The following ATG10 variants were observed in gnomAD, a reference collection of about 807,000 sequenced individuals.
ATG10 encodes ubiquitin-like-conjugating enzyme ATG10.
A neutral mutation model predicts 32.1 loss-of-function variants in ATG10; 30 were observed. The observed-to-expected ratio is 0.94, with a 90% CI of 0.70 to 1.27. The LOEUF (loss-of-function observed/expected upper bound fraction) is 1.27. Ranked by LOEUF, ATG10 falls within the 50% of genes most tolerant of loss-of-function variation. The pLI, the probability that ATG10 is intolerant of heterozygous loss-of-function variation, is 0.00. For synonymous variants in ATG10, 87 were observed against 91.5 expected (o/e 0.95, Z 0.28); for missense variants, 233 against 262.3 (o/e 0.89, Z 0.77).
intron 2 of ATG10, among the ~76,000 whole-genome samples, chr5:82,003,948 T>C (rs998049002): frequency 3.3e-5 from 5 of 152,156 alleles, no homozygotes; most frequent in Admixed American, 3.3e-4. Context: ...GAGACTAGCC[T>C]GACCAATATG....
chr5:82,034,987 C>T (rs1018523935), intron 2 of ATG10, among the ~76,000 whole-genome samples: 1 of 152,056 alleles, frequency 6.6e-6, no homozygotes, highest in Non-Finnish European at 1.5e-5. Flanking sequence ...GGTGTGACCT[C>T]GGCTCACTCA....
chr5:82,082,120 A>C (rs1427234455), intron 3 of ATG10, among the ~76,000 whole-genome samples: 1 of 152,136 alleles, frequency 6.6e-6, no homozygotes, highest in East Asian at 1.9e-4. Context: ...GACACATGGG[A>C]ATTGTGGGAG....
At position 82,091,111 on chromosome 5, in the gene ATG10, C is replaced by T. The variant is rs151280096; in HGVS notation, c.216+32509C>T. ...TTCTACTTGATGTGATTTCAGGCAACATGACCAAATTGGTAGAACAGTATA... is the reference window on the plus strand; with the variant it reads ...TTCTACTTGATGTGATTTCAGGCAATATGACCAAATTGGTAGAACAGTATA... On this transcript the variant is annotated intron_variant, in intron 3 of 7. Coordinates refer to ENST00000282185, the MANE Select transcript of ATG10 (RefSeq NM_031482.5). Among the ~76,000 whole-genome samples, 373 of 152,300 alleles carry T rather than the reference C, an allele frequency of 2.4e-3. 2 individuals are homozygous for T. The highest frequency in any genetic ancestry group is 8.6e-3 in the African/African-American group (359 of 41,562).
chr5:82,084,175 C>T (rs992469247), intron 3 of ATG10, among the ~76,000 whole-genome samples: 3 of 152,088 alleles, frequency 2.0e-5, no homozygotes, highest in East Asian at 3.9e-4. Context: ...ACGAGAGCTA[C>T]GTGATGCATG....
intron 3 of ATG10, among the ~76,000 whole-genome samples, chr5:82,118,387 C>CATATATAT (rs71605823): frequency 0.013 from 1,065 of 80,684 alleles, 72 homozygotes; most frequent in East Asian, 0.038. Context: ...AATATATGTA[C>CATATATAT]ATATATATAT....
intron 3 of ATG10, among the ~76,000 whole-genome samples, chr5:82,063,784 T>C (rs553826162): frequency 1.6e-4 from 24 of 152,212 alleles, no homozygotes; most frequent in Admixed American, 2.0e-4. Flanking sequence ...TGAGCCACCA[T>C]GCCCGGCTGA....
At chr5:81,986,021 C>A (rs1761258512) in intron 1 of ATG10, among the ~76,000 whole-genome samples, 1 of 151,922 alleles carries the variant, frequency 6.6e-6, no homozygotes, top group Non-Finnish European at 1.5e-5. Context: ...CCTCGGCCTC[C>A]CCAAAGTGCT....
chr5:82,009,658 C>T, intron 2 of ATG10: 3 of 1,590,510 alleles, frequency 1.9e-6, no homozygotes, highest in Non-Finnish European at 2.6e-6. Flanking sequence ...TTCCTGGACC[C>T]AAAGCACTCC....
At chr5:82,207,068 T>C (rs1462222647) in intron 5 of ATG10, among the ~76,000 whole-genome samples, 2 of 152,214 alleles carry the variant, frequency 1.3e-5, no homozygotes, top group African/African-American at 2.4e-5. Context: ...TTTCTACTAT[T>C]AATGGCCATG....
At chr5:82,179,914 G>T (rs1744169172) in intron 5 of ATG10, among the ~76,000 whole-genome samples, 1 of 151,964 alleles carries the variant, frequency 6.6e-6, no homozygotes, top group South Asian at 2.1e-4. Flanking sequence ...TTAGGTATTT[G>T]TATCTTTCAC....
intron 2 of ATG10, among the ~76,000 whole-genome samples, chr5:82,057,673 A>G (rs1287736636): frequency 6.6e-6 from 1 of 152,176 alleles, no homozygotes; most frequent in East Asian, 1.9e-4. Context: ...ATTCTTACAC[A>G]TGACTTTATT....
chr5:82,139,950 C>T (rs1297564422), intron 3 of ATG10, among the ~76,000 whole-genome samples: 319 of 128,546 alleles, frequency 2.5e-3, no homozygotes, highest in African/African-American at 8.0e-3. Context: ...GGGGGGTCAG[C>T]CCTCCGCCCG....
At chr5:82,102,497 A>G (rs1032111632) in intron 3 of ATG10, among the ~76,000 whole-genome samples, 2 of 152,196 alleles carry the variant, frequency 1.3e-5, no homozygotes, top group South Asian at 2.1e-4. Context: ...GTCTACTCCA[A>G]TAGAAACAGA....
At chr5:82,218,052 T>TACACACACACACACACAC (rs60254193) in intron 5 of ATG10, among the ~76,000 whole-genome samples, 149 of 145,290 alleles carry the variant, frequency 1.0e-3, no homozygotes, top group Non-Finnish European at 1.4e-3. Context: ...GTTCTCTCTT[T>TACACACACACACACACAC]ACACACACAC....
At chr5:82,081,979 A>G (rs1269918972) in intron 3 of ATG10, among the ~76,000 whole-genome samples, 2 of 152,172 alleles carry the variant, frequency 1.3e-5, no homozygotes, top group Non-Finnish European at 2.9e-5. Context: ...CTGTGAATCC[A>G]TCTGGTCCTG....
chr5:82,218,321 A>G (rs1486227614), intron 5 of ATG10, among the ~76,000 whole-genome samples: 1 of 152,182 alleles, frequency 6.6e-6, no homozygotes, highest in African/African-American at 2.4e-5. Context: ...TTTTTTGTCC[A>G]TTCCTAATAC....
chr5:82,164,010 G>C (rs1743475521), intron 3 of ATG10, among the ~76,000 whole-genome samples: 1 of 152,170 alleles, frequency 6.6e-6, no homozygotes, highest in Non-Finnish European at 1.5e-5. Flanking sequence ...ACATTTCACA[G>C]CCTCTTGTTC....
intron 2 of ATG10, among the ~76,000 whole-genome samples, chr5:82,027,670 G>C (rs1762634399): frequency 6.6e-6 from 1 of 152,110 alleles, no homozygotes; most frequent in African/African-American, 2.4e-5. Flanking sequence ...TACAGATATT[G>C]TTCTTACTTT....
intron 2 of ATG10, among the ~76,000 whole-genome samples, chr5:82,037,106 GGCAAC>G (rs1762946433): frequency 8.5e-6 from 1 of 117,206 alleles, no homozygotes; most frequent in South Asian, 2.9e-4. Context: ...ACTCCAGCCT[GGCAAC>G]AGAATGAGAC....
Sources: gnomAD v4.1 joint callset for allele counts (sites outside exome capture counted in the v4.1 genomes callset) on GRCh38, gnomAD v4.1.1 for gene constraint, MANE v1.5 for transcripts, NCBI Gene and HGNC (gene_info 2026-07-23, HGNC 2026-07-21) for gene names.